KIF17: variants seen among roughly 807,000 people sequenced by gnomAD.
KIF17 encodes the protein kinesin family member 17.
KIF17 carries 80 observed loss-of-function variants against 96.8 expected under a neutral mutation model. The observed-to-expected ratio is 0.83, with a 90% confidence interval of 0.69 to 1.00. The LOEUF (loss-of-function observed/expected upper bound fraction) is 1.00, where lower values mean the gene tolerates loss of function less well. Ranked by LOEUF, KIF17 falls within the 50% of genes least tolerant of loss-of-function variation. The probability of loss-of-function intolerance (pLI) is 0.00; values close to 1 mark genes in which losing one functional copy is unlikely to be tolerated. For synonymous variants in KIF17, 567 were observed against 587.5 expected (o/e 0.97, Z 0.51); for missense variants, 1,280 against 1,372.9 (o/e 0.93, Z 1.07).
Position 20,672,338 on chromosome 1 carries a change from T to G in KIF17, c.2464-142A>C, listed in dbSNP as rs2053662610. 3.8e-6 allele frequency: 4 copies of G among 1,048,870 alleles called. No homozygotes were observed. The highest frequency in any genetic ancestry group is 5.7e-6 in the Non-Finnish European group (4 of 704,730). The allele number at this position is 1,048,870 out of a possible 1,614,324, so 65.0% of individuals were successfully genotyped here. On this transcript the variant is annotated intron_variant, in intron 11 of 14. Transcript: ENST00000400463. The surrounding 1 kb of genome is among the most constrained non-coding windows in gnomAD (Gnocchi z 4.3). ...CAGCCATCCATTCTCATCCCCACCA[T>G]CCATCCAGCCATCCTTCCCTCCATC...
Position 20,685,025 on chromosome 1 carries a change from G to A in KIF17, c.2020-5C>T, listed in dbSNP as rs760073819. On this transcript the variant is annotated splice_region_variant and splice_polypyrimidine_tract_variant and intron_variant, in intron 9 of 14. Transcript: ENST00000400463. This position sits in a 1 kb window ranked among gnomAD's most constrained non-coding sequence, Gnocchi z 4.1. ...TTCCGAGGCCAGATCTACCTCCTGA[G>A]TGTGAAGAGAAACCCAGGTGGAGGT... 3.8e-6 allele frequency: 6 copies of A among 1,582,674 alleles called. No individual in the cohort carries two copies. Among genetic ancestry groups the A allele is most frequent in the Admixed American group, 3.6e-5 (2 of 55,248 alleles).
At chr1:20,714,772 G>A (rs1201184706) in intron 2 of KIF17, among the ~76,000 whole-genome samples, 2 of 148,792 alleles carry the variant, frequency 1.3e-5, no homozygotes, top group South Asian at 2.2e-4. Context: ...ACTCCAGCCT[G>A]GGTGACAGAG....
chr1:20,690,582 G>A (rs1305331067), intron 6 of KIF17, among the ~76,000 whole-genome samples: 1 of 151,826 alleles, frequency 6.6e-6, no homozygotes, highest in Non-Finnish European at 1.5e-5. Context: ...GAGTGCAATG[G>A]CATAATCATG....
At chr1:20,715,415 T>C (rs962971362) in intron 2 of KIF17, 78 bp downstream of exon 2, 1 of 1,580,838 alleles carries the variant, frequency 6.3e-7, no homozygotes. Flanking sequence ...AGACTTCCCG[T>C]GTCTCTGCCA....
downstream of KIF17, among the ~76,000 whole-genome samples, chr1:20,663,454 G>A (rs923478578): frequency 2.6e-5 from 4 of 152,186 alleles, no homozygotes; most frequent in African/African-American, 4.8e-5. Context: ...CTATGCCCCA[G>A]GAGCTTTACA....
In KIF17 at chr1:20,664,413, G is replaced by A. The variant is rs1456069428; in HGVS notation, c.*171C>T. 3 of 1,519,640 alleles carry A rather than the reference G, an allele frequency of 2.0e-6. No individual in the cohort carries two copies. In the African/African-American group the frequency reaches 4.1e-5, roughly 21 times the overall value. The allele number at this position is 1,519,640 out of a possible 1,614,324, so 94.1% of individuals were successfully genotyped here. On this transcript the variant is annotated 3_prime_UTR_variant, in exon 15 of 15. Coordinates refer to ENST00000400463, the MANE Select transcript of KIF17 (RefSeq NM_001122819.3). ...CTCCGAGGGGCTCCTGCCCAGGGCG[G>A]AGGTGGGCTCTCTGGGGAACAGGGA...
In KIF17 at chr1:20,704,204, G is replaced by A. The variant is rs959712235; in HGVS notation, c.1123+243C>T. 4.6e-5 allele frequency among the ~76,000 whole-genome samples: 7 copies of A among 152,166 alleles called. No individual in the cohort carries two copies. In the East Asian group the frequency reaches 1.2e-3, roughly 25 times the overall value. ...AATGGATGAGCAGATGAGAGGCGGG[G>A]AGTGGGCAACAGCCTGCGTCAGATG... On this transcript the variant is annotated intron_variant, in intron 5 of 14. Coordinates refer to ENST00000400463, the MANE Select transcript of KIF17 (RefSeq NM_001122819.3). This position sits in a 1 kb window ranked among gnomAD's most constrained non-coding sequence, Gnocchi z 6.8.
At chr1:20,689,126 C>G (rs937430215) in intron 7 of KIF17, among the ~76,000 whole-genome samples, 1 of 152,146 alleles carries the variant, frequency 6.6e-6, no homozygotes, top group African/African-American at 2.4e-5. Flanking sequence ...TCCTACCTCG[C>G]TGGACTGGGG....
At chr1:20,717,363 C>T in intron 1 of KIF17, 113 bp downstream of exon 1, 1 of 1,218,518 alleles carries the variant, frequency 8.2e-7, no homozygotes, top group Admixed American at 2.2e-5. Context: ...TCCCGTCCGC[C>T]TGCGCCCCTC....
rs908437629 is a variant in KIF17 at position 20,704,282 on chromosome 1, T to C, written c.1123+165A>G. Among the ~76,000 whole-genome samples, 1 of 151,720 alleles carries C rather than the reference T, an allele frequency of 6.6e-6. No individual in the cohort carries two copies. Reference sequence around the variant, plus strand: ...CCAGGACACTGACAAGCAGATACCATCTGGGCCGTCTCCAACCAGGGCCCT... The same window carrying C: ...CCAGGACACTGACAAGCAGATACCACCTGGGCCGTCTCCAACCAGGGCCCT... On this transcript the variant is annotated intron_variant, in intron 5 of 14. Transcript: ENST00000400463. This position sits in a 1 kb window ranked among gnomAD's most constrained non-coding sequence, Gnocchi z 6.8.
intron 11 of KIF17, among the ~76,000 whole-genome samples, chr1:20,675,904 GTGGTGCACATC>G (rs1441016615): frequency 6.6e-6 from 1 of 152,080 alleles, no homozygotes; most frequent in Non-Finnish European, 1.5e-5. Flanking sequence ...GCTGGGCGTG[GTGGTGCACATC>G]TGTAATCCCA....
In KIF17 at chr1:20,687,468, C is replaced by A; in HGVS notation, c.1858G>T (p.Glu620Ter). ...GAGGAGAGTCTGGCCAGCTTGGCTTCCACCTCGGCAAACGGGTCCTGCAGG... is the reference window on the plus strand; with the variant it reads ...GAGGAGAGTCTGGCCAGCTTGGCTTACACCTCGGCAAACGGGTCCTGCAGG... ...LGLQDPFAEV[E>*]AKLARLSSTV... The change falls in exon 8 of 15, where the codon GAA becomes TAA. Residue 620 changes from glutamate (E) to a stop codon, truncating the protein, a stop_gained. Coordinates refer to ENST00000400463, the MANE Select transcript of KIF17 (RefSeq NM_001122819.3). LOFTEE classifies it high-confidence loss of function. The surrounding 1 kb of genome is among the most constrained non-coding windows in gnomAD (Gnocchi z 4.4). 1 of 1,614,000 alleles carries A rather than the reference C, an allele frequency of 6.2e-7. No individual in the cohort carries two copies. Among genetic ancestry groups the A allele is most frequent in the South Asian group, 1.1e-5 (1 of 91,074 alleles).
chr1:20,680,535 C>T (rs529649202), intron 11 of KIF17, among the ~76,000 whole-genome samples: 105 of 152,148 alleles, frequency 6.9e-4, no homozygotes, highest in Admixed American at 1.4e-3. Flanking sequence ...TATGATCGTG[C>T]CACTGCACTT....
intron 14 of KIF17, among the ~76,000 whole-genome samples, chr1:20,665,219 CTTTTTT>C (rs59635021): frequency 8.0e-4 from 49 of 61,282 alleles, no homozygotes; most frequent in Non-Finnish European, 1.1e-3. Flanking sequence ...CAAATTTGCT[CTTTTTT>C]TTTTTTTTTT....
At position 20,672,148 on chromosome 1, in the gene KIF17, G is replaced by C. The variant is rs993330925; in HGVS notation, c.2512C>G (p.Leu838Val). The change falls in exon 12 of 15, where the codon CTG becomes GTG. Residue 838 changes from leucine to valine, a missense_variant. Coordinates refer to ENST00000400463, the MANE Select transcript of KIF17 (RefSeq NM_001122819.3). The surrounding 1 kb of genome is among the most constrained non-coding windows in gnomAD (Gnocchi z 4.3). ...GTGGCCAAGTAATCGATCTTCTCCA[G>C]CTGAAACTCGGACTGCAGATCTTTG... ...EIKDLQSEFQLEKIDYLATIR... is the reference protein window; with the variant it reads ...EIKDLQSEFQVEKIDYLATIR... 1 of 1,614,166 alleles carries C rather than the reference G, an allele frequency of 6.2e-7. No individual in the cohort carries two copies. The highest frequency in any genetic ancestry group is 1.1e-5 in the South Asian group (1 of 91,084).
At chr1:20,683,210 C>T (rs2053864215) in intron 10 of KIF17, among the ~76,000 whole-genome samples, 1 of 152,228 alleles carries the variant, frequency 6.6e-6, no homozygotes, top group Admixed American at 6.5e-5. Context: ...GTGTCTAAGG[C>T]CACTGGCATG....
In KIF17 at chr1:20,671,922, C is replaced by T; in HGVS notation, c.2722+16G>A. 6.2e-7 allele frequency: 1 copy of T among 1,611,032 alleles called. No homozygotes were observed. The highest frequency in any genetic ancestry group is 8.5e-7 in the Non-Finnish European group (1 of 1,179,314). On this transcript the variant is annotated intron_variant, in intron 12 of 14. Coordinates refer to ENST00000400463, the MANE Select transcript of KIF17 (RefSeq NM_001122819.3). ...GAAGGAGGGAGGGGAGGGCAAGGGC[C>T]AGCCAAGCTCCTGACCTACTGGGAG...
chr1:20,695,237 G>T (rs561228735), intron 6 of KIF17, among the ~76,000 whole-genome samples: 4 of 152,002 alleles, frequency 2.6e-5, no homozygotes, highest in African/African-American at 4.8e-5. Flanking sequence ...GCCCAGGCTG[G>T]AGTGCAGTGG....
rs753244313 is a variant in KIF17 at position 20,698,400 on chromosome 1, G to A, written c.1212C>T (p.Ala404=). ...PQPVIQHDVE[A]EKQLIREEYE... The stretch of plus-strand genomic sequence containing the variant: ...TCACCTCCCGGATCAGCTGCTTCTC[G>A]GCCTCCACGTCATGCTGGATCACAG... Residue 404 remains alanine, a synonymous_variant, in exon 6 of 15, where the codon GCC becomes GCT. Transcript: ENST00000400463. The A allele has an allele frequency of 4.3e-5, 69 of 1,613,412 alleles. No homozygotes were observed. The Admixed American group carries it at 9.7e-4, about 23-fold the overall frequency.
Sources: allele counts gnomAD v4.1 joint callset (sites outside exome capture counted in the v4.1 genomes callset), GRCh38; gene constraint gnomAD v4.1.1; non-coding constraint Gnocchi (gnomAD v3.1); transcripts MANE v1.5; gene names NCBI Gene and HGNC (gene_info 2026-07-23, HGNC 2026-07-21).